The following CNTN6 variants were observed in gnomAD, a reference collection of about 807,000 sequenced individuals.
CNTN6 encodes the protein contactin 6.
CNTN6 carries 137 observed loss-of-function variants against 122.8 expected under a neutral mutation model. That is an observed-to-expected ratio of 1.12 (90% CI 0.97 to 1.29). The LOEUF (loss-of-function observed/expected upper bound fraction) is 1.29. Ranked by LOEUF, CNTN6 falls within the 50% of genes most tolerant of loss-of-function variation. The pLI is 0.00. For missense variants in CNTN6, 1,634 were observed against 1,223.4 expected, an observed-to-expected ratio of 1.34 and a Z score of -5.01; for synonymous variants, 570 against 426.0, an observed-to-expected ratio of 1.34 and a Z score of -4.16.
chr3:1,388,553 G>C (rs891004077), intron 20 of CNTN6, among the ~76,000 whole-genome samples: 2 of 151,240 alleles, frequency 1.3e-5, no homozygotes, highest in Non-Finnish European at 2.9e-5. Context: ...ACGGAACAAA[G>C]CTGGACGGAG....
chr3:1,181,337 A>G (rs1373437383), intron 2 of CNTN6, among the ~76,000 whole-genome samples: 19 of 152,174 alleles, frequency 1.2e-4, no homozygotes, highest in Non-Finnish European at 1.2e-4. Context: ...CTCTCTCTCT[A>G]TAAAGGTCAC....
intron 1 of CNTN6, among the ~76,000 whole-genome samples, chr3:1,130,706 TGGG>T (rs1027783547): frequency 1.3e-5 from 2 of 152,070 alleles, no homozygotes; most frequent in Non-Finnish European, 2.9e-5. Context: ...GAATCTATTT[TGGG>T]GGGGATCTCA....
At chr3:1,207,426 T>G (rs1290727792) in intron 2 of CNTN6, among the ~76,000 whole-genome samples, 4 of 152,136 alleles carry the variant, frequency 2.6e-5, no homozygotes, top group Admixed American at 6.6e-5. Flanking sequence ...ATGCTTTCAG[T>G]CTCAGGGGTT....
chr3:1,300,510 AAAG>A (rs1559754528), intron 7 of CNTN6, among the ~76,000 whole-genome samples: 49 of 136,890 alleles, frequency 3.6e-4, no homozygotes, highest in African/African-American at 1.3e-3. Context: ...AAAGAAAGAG[AAAG>A]AAAGAAAGAA....
chr3:1,234,116 G>C (rs955230602), intron 4 of CNTN6, among the ~76,000 whole-genome samples: 4 of 152,074 alleles, frequency 2.6e-5, no homozygotes, highest in African/African-American at 9.7e-5. Flanking sequence ...ACATTAAAAG[G>C]CAGGACAACT....
intron 12 of CNTN6, among the ~76,000 whole-genome samples, chr3:1,359,039 A>G (rs1404155679): frequency 6.6e-6 from 1 of 152,080 alleles, no homozygotes; most frequent in Non-Finnish European, 1.5e-5. Flanking sequence ...CAGCCTAGGC[A>G]ATACAGCAAG....
At chr3:1,113,428 T>A (rs544694729) in intron 1 of CNTN6, among the ~76,000 whole-genome samples, 2 of 152,082 alleles carry the variant, frequency 1.3e-5, no homozygotes, top group Non-Finnish European at 2.9e-5. Context: ...GATAAGTAAA[T>A]AACAAATTAT....
At chr3:1,269,835 CAGAAAAACA>C (rs949718649) in intron 4 of CNTN6, among the ~76,000 whole-genome samples, 1 of 152,032 alleles carries the variant, frequency 6.6e-6, no homozygotes, top group Non-Finnish European at 1.5e-5. Flanking sequence ...ATTATATTCC[CAGAAAAACA>C]AGAAACAACG....
At chr3:1,306,365 C>G (rs1698353873) in intron 7 of CNTN6, among the ~76,000 whole-genome samples, 1 of 152,134 alleles carries the variant, frequency 6.6e-6, no homozygotes, top group South Asian at 2.1e-4. Context: ...ACACTCACCT[C>G]TGTTGACCAT....
intron 7 of CNTN6, among the ~76,000 whole-genome samples, chr3:1,319,559 T>C (rs1700560378): frequency 6.6e-6 from 1 of 151,556 alleles, no homozygotes; most frequent in South Asian, 2.1e-4. Flanking sequence ...ACAATCAATA[T>C]AAATAACTAA....
intron 20 of CNTN6, among the ~76,000 whole-genome samples, chr3:1,395,001 T>G (rs1268399278): frequency 6.6e-6 from 1 of 152,154 alleles, no homozygotes; most frequent in Non-Finnish European, 1.5e-5. Context: ...TCAGCTTTCT[T>G]AACTAAATCA....
At chr3:1,334,634 T>C (rs974302044) in intron 11 of CNTN6, among the ~76,000 whole-genome samples, 5 of 152,040 alleles carry the variant, frequency 3.3e-5, no homozygotes, top group Admixed American at 6.6e-5. Context: ...TGCTGTGAAC[T>C]GTCAAAACAG....
intron 3 of CNTN6, among the ~76,000 whole-genome samples, chr3:1,221,234 A>T (rs1383192225): frequency 1.3e-5 from 2 of 152,150 alleles, no homozygotes; most frequent in Non-Finnish European, 1.5e-5. Flanking sequence ...GAAAAGAAAG[A>T]TAAAAGGAAA....
chr3:1,285,478 T>C (rs1201857490), intron 5 of CNTN6, among the ~76,000 whole-genome samples: 1 of 152,206 alleles, frequency 6.6e-6, no homozygotes, highest in Non-Finnish European at 1.5e-5. Context: ...TTTGAAGAGC[T>C]AAATTTGGAA....
At chr3:1,361,852 G>A (rs942605842) in intron 12 of CNTN6, among the ~76,000 whole-genome samples, 2 of 152,128 alleles carry the variant, frequency 1.3e-5, no homozygotes, top group Admixed American at 1.3e-4. Flanking sequence ...AGCACAGAGA[G>A]GTTAGCCCCA....
chr3:1,254,140 T>C (rs1314399431), intron 4 of CNTN6, among the ~76,000 whole-genome samples: 2 of 152,302 alleles, frequency 1.3e-5, no homozygotes, highest in South Asian at 4.1e-4. Flanking sequence ...CTTCAGATCT[T>C]TTTTAAAGAC....
chr3:1,313,699 T>C lies in CNTN6; in HGVS notation c.762-7951T>C, dbSNP rs1180547040. Among the ~76,000 whole-genome samples, 4 of 152,256 alleles carry C rather than the reference T, an allele frequency of 2.6e-5. No individual in the cohort carries two copies. The East Asian group carries it at 7.7e-4, about 29-fold the overall frequency. On this transcript the variant is annotated intron_variant, in intron 7 of 22. Coordinates refer to ENST00000446702, the MANE Select transcript of CNTN6 (RefSeq NM_001289080.2). ...AGGGAAAGCTGATATAGGCATCATC[T>C]TATTCCCATTGGGCTGCCATCACAA... is the stretch of plus-strand genomic sequence containing the variant.
intron 20 of CNTN6, among the ~76,000 whole-genome samples, chr3:1,393,675 G>T (rs1386113655): frequency 6.6e-6 from 1 of 151,214 alleles, no homozygotes; most frequent in Non-Finnish European, 1.5e-5. Context: ...ATTGTATCAT[G>T]GTAGACTGAC....
At chr3:1,353,933 G>T (rs992024227) in intron 12 of CNTN6, among the ~76,000 whole-genome samples, 6 of 151,632 alleles carry the variant, frequency 4.0e-5, no homozygotes, top group South Asian at 2.1e-4. Flanking sequence ...TAGAATACTG[G>T]TGATCTGGGA....
Sources: allele counts gnomAD v4.1 joint callset (sites outside exome capture counted in the v4.1 genomes callset), GRCh38; gene constraint gnomAD v4.1.1; transcripts MANE v1.5; gene names NCBI Gene and HGNC (gene_info 2026-07-23, HGNC 2026-07-21).